The following ARSG variants were observed in gnomAD, a reference collection of about 807,000 sequenced individuals.
ARSG encodes ASG.
In ARSG, 37 loss-of-function variants were observed where a neutral mutation model predicts 50.5. The observed-to-expected ratio is 0.73, with a 90% CI of 0.56 to 0.96. ARSG has a LOEUF of 0.96. Among genes scored for constraint, ARSG ranks in the 50% least tolerant of loss-of-function variants. ARSG has a pLI of 0.00. For synonymous variants in ARSG, 225 were observed against 254.6 expected, an observed-to-expected ratio of 0.88 and a Z score of 1.11; for missense variants, 629 against 675.3, an observed-to-expected ratio of 0.93 and a Z score of 0.76.
intron 1 of ARSG, chr17:68,272,866 A>G (rs2075386062): frequency 6.8e-7 from 1 of 1,469,462 alleles, no homozygotes; most frequent in Non-Finnish European, 9.3e-7. Flanking sequence ...TGCTTTTTGA[A>G]TCTTAAGTTC....
intron 6 of ARSG, among the ~76,000 whole-genome samples, chr17:68,362,178 C>T (rs2079321771): frequency 6.6e-6 from 1 of 152,064 alleles, no homozygotes; most frequent in African/African-American, 2.4e-5. Context: ...CACTATCCGT[C>T]TTCATTGCTG....
At chr17:68,309,092 C>T (rs1263813430) in intron 2 of ARSG, among the ~76,000 whole-genome samples, 66 of 152,364 alleles carry the variant, frequency 4.3e-4, no homozygotes, top group Non-Finnish European at 7.3e-5. Flanking sequence ...AAATCGAGTG[C>T]AGTGCTGGTG....
chr17:68,288,980 G>A (rs1313962814), upstream of ARSG, among the ~76,000 whole-genome samples: 2 of 152,182 alleles, frequency 1.3e-5, no homozygotes, highest in Admixed American at 6.5e-5. Flanking sequence ...TCTTCTGGAG[G>A]AAGTACAATG....
chr17:68,336,249 G>A (rs113839997), intron 2 of ARSG, among the ~76,000 whole-genome samples: 17 of 148,716 alleles, frequency 1.1e-4, no homozygotes, highest in African/African-American at 4.2e-4. Flanking sequence ...TCACTCTGTC[G>A]CCCAGGCTGC....
At position 68,371,215 on chromosome 17, in the gene ARSG, G is replaced by A. The variant is rs941572394; in HGVS notation, c.982+691G>A. Among the ~76,000 whole-genome samples the A allele has an allele frequency of 2.3e-4, 35 of 151,308 alleles. No individual in the cohort carries two copies. The South Asian group carries it at 4.4e-3, about 19-fold the overall frequency. On this transcript the variant is annotated intron_variant, in intron 8 of 11. Transcript: ENST00000621439. Reference sequence around the variant, plus strand: ...GGCGCCTGTAGTCCCAGCTACTCAGGAGGCTGAGGCAGGAGAATGGCGTGA... The same window carrying A: ...GGCGCCTGTAGTCCCAGCTACTCAGAAGGCTGAGGCAGGAGAATGGCGTGA...
intron 4 of ARSG, among the ~76,000 whole-genome samples, chr17:68,350,972 G>A (rs1286848758): frequency 6.6e-6 from 1 of 152,026 alleles, no homozygotes; most frequent in African/African-American, 2.4e-5. Context: ...AGCCTTTTGA[G>A]TCCCAGCTGA....
At chr17:68,321,448 A>T (rs544759049) in intron 2 of ARSG, among the ~76,000 whole-genome samples, 211 of 152,228 alleles carry the variant, frequency 1.4e-3, no homozygotes, top group African/African-American at 4.8e-3. Context: ...CCATCTCCCA[A>T]CCCTGTCCCT....
At chr17:68,273,696 T>G (rs1357274981) in intron 1 of ARSG, among the ~76,000 whole-genome samples, 1 of 151,998 alleles carries the variant, frequency 6.6e-6, no homozygotes, top group Non-Finnish European at 1.5e-5. Flanking sequence ...AGAGAAATTA[T>G]CATCATCTTT....
At chr17:68,312,225 T>C (rs1158769695) in intron 2 of ARSG, among the ~76,000 whole-genome samples, 1 of 152,198 alleles carries the variant, frequency 6.6e-6, no homozygotes, top group Non-Finnish European at 1.5e-5. Context: ...TTCCCGCTTA[T>C]ATTCCTAGCA....
In ARSG at chr17:68,363,826, G is replaced by A. The variant is rs1202220142; in HGVS notation, c.705-4722G>A. ...GATCAAGTCTGGGTTAGAGAAGGTT[G>A]TCTGTGATGCCAGGGTCTAGTGGAA... is the stretch of plus-strand genomic sequence containing the variant. On this transcript the variant is annotated intron_variant, in intron 6 of 11. Transcript: ENST00000621439. Among the ~76,000 whole-genome samples, 5 of 152,188 alleles carry A rather than the reference G, an allele frequency of 3.3e-5. No homozygotes were observed. The East Asian group carries it at 9.6e-4, about 29-fold the overall frequency.
chr17:68,331,556 T>G (rs2077771680), intron 2 of ARSG, among the ~76,000 whole-genome samples: 1 of 151,986 alleles, frequency 6.6e-6, no homozygotes, highest in Non-Finnish European at 1.5e-5. Context: ...AAGGCAAGGT[T>G]TCACTGTGTT....
At chr17:68,335,538 A>G (rs1254367363) in intron 2 of ARSG, among the ~76,000 whole-genome samples, 3 of 147,226 alleles carry the variant, frequency 2.0e-5, no homozygotes, top group Non-Finnish European at 3.0e-5. Flanking sequence ...TGGGCAACAG[A>G]GCGAGACTCC....
downstream of ARSG, chr17:68,426,000 G>A: frequency 8.7e-7 from 1 of 1,151,760 alleles, no homozygotes; most frequent in Non-Finnish European, 1.3e-6. Flanking sequence ...AAGGGACTCT[G>A]CCTCTCGTAT....
Position 68,341,340 on chromosome 17 carries a change from C to T in ARSG, c.219-2264C>T, listed in dbSNP as rs762899453. On this transcript the variant is annotated intron_variant, in intron 2 of 11. Coordinates refer to ENST00000621439, the MANE Select transcript of ARSG (RefSeq NM_001267727.2). ...GGCCATGTCAAACGTTTACAAGGTA[C>T]GAAAGTCAAACTGTATAACAACATA... Among the ~76,000 whole-genome samples, 6 of 152,174 alleles carry T rather than the reference C, an allele frequency of 3.9e-5. No homozygotes were observed. The East Asian group carries it at 9.6e-4, about 24-fold the overall frequency.
At chr17:68,282,343 G>C (rs1599547660) in intron 1 of ARSG, among the ~76,000 whole-genome samples, 1 of 152,022 alleles carries the variant, frequency 6.6e-6, no homozygotes, top group South Asian at 2.1e-4. Flanking sequence ...CACACACCGG[G>C]GCCTGTCGTG....
At chr17:68,263,606 A>G (rs1234706893) in intron 1 of ARSG, among the ~76,000 whole-genome samples, 1 of 152,118 alleles carries the variant, frequency 6.6e-6, no homozygotes, top group Non-Finnish European at 1.5e-5. Flanking sequence ...AGTAGCTGGG[A>G]CCACAGGCAT....
the ARSG span, among the ~76,000 whole-genome samples, chr17:68,442,234 C>T: frequency 1.3e-5 from 2 of 152,192 alleles, no homozygotes; most frequent in African/African-American, 4.8e-5. Context: ...GAGGCCAAGG[C>T]GGGCGGATCA....
rs1161106004 is a variant in ARSG, at chr17:68,274,271, G to A, written c.-552+14845G>A. 3.7e-5 allele frequency: 17 copies of A among 461,566 alleles called. No homozygotes were observed. The Admixed American group carries it at 5.1e-4, about 14-fold the overall frequency. The allele number at this position is 461,566 out of a possible 1,614,324, so 28.6% of individuals were successfully genotyped here. A position where few individuals can be genotyped will look rare whatever the true frequency, so the allele number is the denominator to read the frequency against. The stretch of plus-strand genomic sequence containing the variant: ...GCTTGAGCCCAGGAGTTCAAGACTA[G>A]CCCGGGCAACATGGTGAAACCCCGT... On this transcript the variant is annotated intron_variant, in intron 1 of 11. Transcript: ENST00000448504.
chr17:68,301,966 T>C (rs2145481810), intron 1 of ARSG, among the ~76,000 whole-genome samples: 1 of 152,258 alleles, frequency 6.6e-6, no homozygotes, highest in South Asian at 2.1e-4. Context: ...CCTGAGCTCC[T>C]TCTTTGATGT....
Sources: allele counts gnomAD v4.1 joint callset (sites outside exome capture counted in the v4.1 genomes callset), GRCh38; gene constraint gnomAD v4.1.1; transcripts MANE v1.5; gene names NCBI Gene and HGNC (gene_info 2026-07-23, HGNC 2026-07-21).